The following MALAT1 variants were observed in gnomAD, a reference collection of about 807,000 sequenced individuals.
MALAT1 encodes the protein hepcarcin.
At chr11:65,499,995 G>A in exon 3 of MALAT1, 1 of 424,804 alleles carries the variant, frequency 2.4e-6, no homozygotes, top group African/African-American at 2.1e-5. Flanking sequence ...AAAAAATGAG[G>A]AAATTATTGG....
At chr11:65,503,707 G>T in exon 3 of MALAT1, 1 of 517,444 alleles carries the variant, frequency 1.9e-6, no homozygotes, top group South Asian at 1.4e-5. Flanking sequence ...ATCTTGGGGG[G>T]GATTCTTCTC....
At chr11:65,506,179 T>C (rs778763906) in intron 3 of MALAT1, 3 of 428,340 alleles carry the variant, frequency 7.0e-6, no homozygotes, top group African/African-American at 4.2e-5. Flanking sequence ...GCGTCTTTGC[T>C]TTGACTACTA....
chr11:65,500,042 C>T (rs568274903), exon 3 of MALAT1: 1 of 434,400 alleles, frequency 2.3e-6, no homozygotes, highest in African/African-American at 2.1e-5. Context: ...AATTTAATTT[C>T]TGGTGGTGCA....
exon 3 of MALAT1, chr11:65,502,854 T>A (rs777260760): frequency 6.0e-6 from 3 of 499,032 alleles, no homozygotes; most frequent in Non-Finnish European, 1.2e-5. Context: ...AGCTACCAAT[T>A]TAAAGTTACG....
At chr11:65,500,847 G>T (rs776629773) in exon 3 of MALAT1, 2 of 518,852 alleles carry the variant, frequency 3.9e-6, no homozygotes, top group South Asian at 2.8e-5. Flanking sequence ...ATATAATGGG[G>T]GAGTTTCGTA....
intron 1 of MALAT1, chr11:65,498,453 G>A: frequency 1.9e-6 from 1 of 518,584 alleles, no homozygotes; most frequent in Non-Finnish European, 3.8e-6. Context: ...TCCAAGAGTG[G>A]GTTTTCACGT....
chr11:65,498,268 C>T (rs776319174), intron 1 of MALAT1: 4 of 518,700 alleles, frequency 7.7e-6, no homozygotes, highest in South Asian at 5.6e-5. Context: ...TGGCGATTTG[C>T]CTTGTGAGCA....
At chr11:65,502,582 C>CT (rs1166211203) in exon 3 of MALAT1, 1 of 482,282 alleles carries the variant, frequency 2.1e-6, no homozygotes, top group Non-Finnish European at 4.0e-6. Flanking sequence ...TTGAATGTCT[C>CT]TTAGAGGGTG....
At chr11:65,497,947 C>G (rs549233410) in intron 1 of MALAT1, 2 of 518,966 alleles carry the variant, frequency 3.9e-6, no homozygotes, top group Admixed American at 1.9e-5. Flanking sequence ...GCTATCTTAG[C>G]TGTCCTTATA....
exon 3 of MALAT1, chr11:65,503,089 C>G (rs747314103): frequency 2.2e-5 from 11 of 510,532 alleles, no homozygotes; most frequent in Non-Finnish European, 3.9e-5. Flanking sequence ...GGAGGCTGTG[C>G]TGTGTGCCAA....
exon 3 of MALAT1, chr11:65,501,734 C>CTTTG (rs1175117649): frequency 1.9e-6 from 1 of 518,992 alleles, no homozygotes; most frequent in African/African-American, 1.9e-5. Context: ...CACAGTGCAG[C>CTTTG]TTTGGTTCAT....
At chr11:65,498,859 C>G (rs569753255) in intron 2 of MALAT1, 3 of 518,534 alleles carry the variant, frequency 5.8e-6, no homozygotes, top group South Asian at 4.2e-5. Flanking sequence ...TTAAGTATTT[C>G]TGCATGTGTA....
At chr11:65,498,302 A>G (rs1854445068) in intron 1 of MALAT1, 1 of 518,252 alleles carries the variant, frequency 1.9e-6, no homozygotes, top group African/African-American at 1.9e-5. Flanking sequence ...CTGGAAGCTG[A>G]AAAACGGTAG....
chr11:65,499,926 A>G (rs1198742433), exon 3 of MALAT1: 1 of 437,122 alleles, frequency 2.3e-6, no homozygotes, highest in South Asian at 1.7e-5. Context: ...TAAGACAAGT[A>G]TTGGAGAAGT....
At chr11:65,502,789 C>G (rs764734276) in exon 3 of MALAT1, 3 of 514,250 alleles carry the variant, frequency 5.8e-6, no homozygotes, top group African/African-American at 3.9e-5. Flanking sequence ...CCCTGAGATT[C>G]TTACTACTGA....
exon 3 of MALAT1, chr11:65,501,225 T>C (rs557111576): frequency 6.4e-6 from 3 of 470,002 alleles, no homozygotes; most frequent in African/African-American, 5.2e-5. Flanking sequence ...GTTTTCAGTA[T>C]TTTTTTTTGT....
chr11:65,504,064 T>C, intron 3 of MALAT1: 1 of 518,236 alleles, frequency 1.9e-6, no homozygotes, highest in South Asian at 1.4e-5. Flanking sequence ...AGGCAATGTT[T>C]TACACTATTG....
chr11:65,502,901 A>G (rs564704250), exon 3 of MALAT1: 22 of 492,148 alleles, frequency 4.5e-5, no homozygotes, highest in Non-Finnish European at 6.9e-5. Context: ...TTGTCAAGCT[A>G]TAACCACAAA....
chr11:65,506,498 ATCTT>A (rs1854703370), downstream of MALAT1: 2 of 275,896 alleles, frequency 7.2e-6, no homozygotes, highest in South Asian at 6.3e-5. Flanking sequence ...GAATAAAAAA[ATCTT>A]GATTGGGGAA....
Sources: allele counts gnomAD v4.1 joint callset, GRCh38; gene constraint gnomAD v4.1.1; transcripts MANE v1.5; gene names NCBI Gene and HGNC (gene_info 2026-07-23, HGNC 2026-07-21).